Variants in FBXO16 observed in about 807,000 individuals in gnomAD.
FBXO16 encodes F-box protein 16.
In FBXO16, 31 loss-of-function variants were observed where a neutral mutation model predicts 41.0. The ratio of observed to expected loss-of-function variants is 0.76; its 90% CI spans 0.57 to 1.02. The LOEUF is 1.02. Among genes scored for constraint, FBXO16 ranks in the 50% least tolerant of loss-of-function variants. FBXO16 has a pLI of 0.00. For synonymous variants in FBXO16, 133 were observed against 117.8 expected (o/e 1.13, Z -0.84); for missense variants, 361 against 346.2 (o/e 1.04, Z -0.34).
chr8:28,454,593 T>A lies in FBXO16; in HGVS notation c.508-2117A>T, dbSNP rs1162783039. 1.3e-5 allele frequency among the ~76,000 whole-genome samples: 2 copies of A among 151,204 alleles called. 1 individual carries two copies. Among genetic ancestry groups the A allele is most frequent in the African/African-American group, 4.9e-5 (2 of 40,758 alleles). ...AATACAAAAAATTAGCCGGGCATGG[T>A]GGCAGGCGCCTGTAGTCCCAGCTAC... On this transcript the variant is annotated intron_variant, in intron 5 of 8. Transcript: ENST00000380254.
At chr8:28,444,929 C>G (rs893117983) in intron 7 of FBXO16, among the ~76,000 whole-genome samples, 1 of 151,658 alleles carries the variant, frequency 6.6e-6, no homozygotes, top group African/African-American at 2.4e-5. Context: ...CCGTGCCCGG[C>G]CTATTTCTTC....
chr8:28,479,336 C>A (rs1803476131), intron 2 of FBXO16, among the ~76,000 whole-genome samples: 1 of 152,090 alleles, frequency 6.6e-6, no homozygotes, highest in African/African-American at 2.4e-5. Flanking sequence ...AGGTGCTGAT[C>A]CTGAAAGTCC....
chr8:28,456,720 A>G (rs906548369), intron 5 of FBXO16, 46 bp downstream of exon 5: 1 of 1,598,500 alleles, frequency 6.3e-7, no homozygotes, highest in African/African-American at 1.3e-5. Context: ...TAGAATTTGC[A>G]AAGAGCCAAT....
intron 3 of FBXO16, among the ~76,000 whole-genome samples, chr8:28,465,716 A>G (rs561107455): frequency 6.6e-6 from 1 of 152,320 alleles, no homozygotes; most frequent in Admixed American, 6.5e-5. Flanking sequence ...ATTAAAACAG[A>G]GGGGACTTTC....
At chr8:28,440,356 G>A (rs935078787) in intron 7 of FBXO16, among the ~76,000 whole-genome samples, 3 of 151,986 alleles carry the variant, frequency 2.0e-5, no homozygotes, top group East Asian at 1.9e-4. Flanking sequence ...CTTCCACCTC[G>A]GCCTCCTCCA....
chr8:28,433,915 A>G (rs1201210050), intron 7 of FBXO16, among the ~76,000 whole-genome samples: 1 of 150,134 alleles, frequency 6.7e-6, no homozygotes, highest in Non-Finnish European at 1.5e-5. Flanking sequence ...AACAGCCTGT[A>G]TATACCAGCT....
At chr8:28,473,697 A>AT in intron 3 of FBXO16, 75 bp downstream of exon 3, 3 of 1,314,854 alleles carry the variant, frequency 2.3e-6, no homozygotes, top group South Asian at 1.3e-5. Flanking sequence ...ACCCAGTCTG[A>AT]TTTTTTAATA....
intron 7 of FBXO16, among the ~76,000 whole-genome samples, chr8:28,444,361 G>A (rs62502416): frequency 0.25 from 36,938 of 148,396 alleles, 5,889 homozygotes; most frequent in East Asian, 0.58. Context: ...GGAGTGCAGT[G>A]GCGCGATCTC....
chr8:28,456,392 T>C (rs1024959745), intron 5 of FBXO16, among the ~76,000 whole-genome samples: 3 of 152,054 alleles, frequency 2.0e-5, no homozygotes, highest in Admixed American at 1.3e-4. Flanking sequence ...CACAGAAAAT[T>C]TGAATTAGTA....
chr8:28,485,393 G>A (rs562161416), intron 1 of FBXO16, among the ~76,000 whole-genome samples: 9 of 151,792 alleles, frequency 5.9e-5, no homozygotes, highest in Non-Finnish European at 1.0e-4. Flanking sequence ...GGCTGGTCTC[G>A]AACTCCTGAT....
chr8:28,458,684 C>T (rs1261534078), intron 4 of FBXO16, among the ~76,000 whole-genome samples: 1 of 151,788 alleles, frequency 6.6e-6, no homozygotes, highest in Non-Finnish European at 1.5e-5. Context: ...TCCCGAGTAG[C>T]TGGGATTACA....
intron 1 of FBXO16, 55 bp from the exon 2 acceptor site, chr8:28,483,517 A>G: frequency 7.4e-7 from 1 of 1,354,080 alleles, no homozygotes; most frequent in Non-Finnish European, 1.1e-6. Context: ...AACCCTCAGA[A>G]AACAAAAATT....
chr8:28,485,128 G>A (rs1418168936), intron 1 of FBXO16, among the ~76,000 whole-genome samples: 1 of 152,080 alleles, frequency 6.6e-6, no homozygotes, highest in Non-Finnish European at 1.5e-5. Flanking sequence ...GGGCCTGCTC[G>A]CCTGATCAAT....
intron 7 of FBXO16, among the ~76,000 whole-genome samples, chr8:28,429,654 C>T (rs1474223620): frequency 2.0e-5 from 3 of 151,556 alleles, no homozygotes; most frequent in South Asian, 4.2e-4. Context: ...CTTGTCACAT[C>T]TCTCTAACAC....
chr8:28,465,379 T>C lies in FBXO16; in HGVS notation c.136-1561A>G, dbSNP rs1240167951. The C allele has an allele frequency of 3.3e-5, 15 of 451,288 alleles. 1 individual carries two copies. The Admixed American group carries it at 3.6e-4, about 11-fold the overall frequency. The allele number at this position is 451,288 out of a possible 1,614,324, so 28.0% of individuals were successfully genotyped here. On this transcript the variant is annotated intron_variant, in intron 3 of 8. Coordinates refer to ENST00000380254, the MANE Select transcript of FBXO16 (RefSeq NM_172366.4). ...GGCTCATGTCTGTAATCTCAGCACT[T>C]TGGGAGGCAGAGGCAGGAGAATCTC...
At chr8:28,438,332 A>T (rs1802715321) in intron 7 of FBXO16, among the ~76,000 whole-genome samples, 1 of 152,168 alleles carries the variant, frequency 6.6e-6, no homozygotes, top group South Asian at 2.1e-4. Flanking sequence ...TAAATAAAAT[A>T]AAAACTAAAT....
chr8:28,428,755 T>C lies in FBXO16; in HGVS notation c.870-19A>G, dbSNP rs752842065. The C allele has an allele frequency of 1.9e-5, 28 of 1,502,314 alleles. No homozygotes were observed. Among genetic ancestry groups the C allele is most frequent in the Non-Finnish European group, 2.2e-5 (25 of 1,129,944 alleles). 93.1% of individuals were successfully genotyped at this position (1,502,314 alleles called of 1,614,324 possible). A position where few individuals can be genotyped will look rare whatever the true frequency, so the allele number is the denominator to read the frequency against. On this transcript the variant is annotated intron_variant, in intron 8 of 8. Coordinates refer to ENST00000380254, the MANE Select transcript of FBXO16 (RefSeq NM_172366.4). ...GGGACATCTAGAAAGGAAAAAGGAA[T>C]CATGAAAGCGAGGGTTATTGAAATA...
At chr8:28,482,209 C>G (rs555440988) in intron 2 of FBXO16, among the ~76,000 whole-genome samples, 2 of 152,268 alleles carry the variant, frequency 1.3e-5, no homozygotes, top group African/African-American at 4.8e-5. Context: ...AGCTTGTAAT[C>G]TGGGGGAAAA....
intron 3 of FBXO16, chr8:28,465,426 C>A: frequency 2.2e-6 from 1 of 449,712 alleles, no homozygotes; most frequent in South Asian, 1.6e-5. Flanking sequence ...AATTTGAAAC[C>A]AGCCCGAGCA....
Sources: gnomAD v4.1 joint callset for allele counts (sites outside exome capture counted in the v4.1 genomes callset) on GRCh38, gnomAD v4.1.1 for gene constraint, MANE v1.5 for transcripts, NCBI Gene and HGNC (gene_info 2026-07-23, HGNC 2026-07-21) for gene names.